MACROD2: variants seen among roughly 807,000 people sequenced by gnomAD.
MACROD2 encodes ADP-ribose glycohydrolase MACROD2.
In MACROD2, 36 loss-of-function variants were observed where a neutral mutation model predicts 70.4. The ratio of observed to expected loss-of-function variants is 0.51; its 90% CI spans 0.39 to 0.68. The LOEUF is 0.68. Among genes scored for constraint, MACROD2 ranks in the 30% least tolerant of loss-of-function variants. The pLI is 0.00. For missense variants in MACROD2, 496 were observed against 538.4 expected (o/e 0.92, Z 0.78); for synonymous variants, 172 against 178.8 (o/e 0.96, Z 0.30).
intron 6 of MACROD2, among the ~76,000 whole-genome samples, chr20:15,244,015 TAA>T (rs1349381555): frequency 8.5e-5 from 13 of 152,182 alleles, no homozygotes; most frequent in Admixed American, 2.6e-4. Flanking sequence ...CACAATTTAA[TAA>T]GTTATATTAA....
At chr20:15,406,491 T>C (rs2046003304) in intron 6 of MACROD2, among the ~76,000 whole-genome samples, 2 of 152,186 alleles carry the variant, frequency 1.3e-5, no homozygotes, top group Non-Finnish European at 2.9e-5. Flanking sequence ...TTAGAGTCCT[T>C]GGGGAATGTC....
intron 8 of MACROD2, among the ~76,000 whole-genome samples, chr20:15,507,178 T>G (rs1481889094): frequency 6.6e-6 from 1 of 152,168 alleles, no homozygotes; most frequent in East Asian, 1.9e-4. Context: ...TCAAGAACAC[T>G]GATGACTTGC....
At chr20:14,801,445 T>G (rs1035297652) in intron 5 of MACROD2, among the ~76,000 whole-genome samples, 4 of 152,150 alleles carry the variant, frequency 2.6e-5, no homozygotes, top group Non-Finnish European at 5.9e-5. Flanking sequence ...TGTTAAAGAT[T>G]TCAGCGTTAA....
At chr20:14,801,951 A>G (rs911016400) in intron 5 of MACROD2, among the ~76,000 whole-genome samples, 4 of 152,106 alleles carry the variant, frequency 2.6e-5, no homozygotes, top group African/African-American at 9.7e-5. Flanking sequence ...TTTCATCCAG[A>G]AAAGGTACAG....
chr20:14,187,069 T>A (rs373809192), intron 3 of MACROD2, among the ~76,000 whole-genome samples: 18 of 148,714 alleles, frequency 1.2e-4, no homozygotes, highest in African/African-American at 4.0e-4. Flanking sequence ...AATTTACCCA[T>A]GTAACAAACC....
At chr20:15,970,860 T>C (rs1218693479) in intron 13 of MACROD2, among the ~76,000 whole-genome samples, 1 of 152,104 alleles carries the variant, frequency 6.6e-6, no homozygotes. Context: ...CATAAAGAAC[T>C]CTGAAGGTTT....
At chr20:15,676,745 A>G (rs931338549) in intron 8 of MACROD2, among the ~76,000 whole-genome samples, 3 of 152,222 alleles carry the variant, frequency 2.0e-5, no homozygotes, top group African/African-American at 4.8e-5. Context: ...GCTTATGTTC[A>G]GTATTTTACA....
intron 3 of MACROD2, among the ~76,000 whole-genome samples, chr20:14,284,656 C>A (rs979941871): frequency 2.0e-5 from 3 of 152,236 alleles, no homozygotes; most frequent in African/African-American, 7.2e-5. Context: ...CAAAGAGGTG[C>A]AGCCCTTGTG....
chr20:15,048,899 T>C (rs919475393), intron 5 of MACROD2, among the ~76,000 whole-genome samples: 1 of 152,184 alleles, frequency 6.6e-6, no homozygotes, highest in African/African-American at 2.4e-5. Flanking sequence ...CATTGTTCTG[T>C]CACTTAACAG....
chr20:14,982,979 G>C (rs1460015218), intron 5 of MACROD2, among the ~76,000 whole-genome samples: 1 of 152,202 alleles, frequency 6.6e-6, no homozygotes. Context: ...AGGCAGCCGG[G>C]AGGGAGGCTG....
chr20:15,534,920 A>G (rs1025494547), intron 8 of MACROD2, among the ~76,000 whole-genome samples: 2 of 152,206 alleles, frequency 1.3e-5, no homozygotes, highest in African/African-American at 4.8e-5. Flanking sequence ...ATTTCTAATT[A>G]GGATTAGAAA....
intron 5 of MACROD2, among the ~76,000 whole-genome samples, chr20:15,104,471 G>A (rs1025050651): frequency 2.6e-5 from 4 of 152,066 alleles, no homozygotes; most frequent in Non-Finnish European, 5.9e-5. Flanking sequence ...AACAAATTAT[G>A]GACAGAAACA....
chr20:15,065,654 C>CA (rs554222351), intron 5 of MACROD2, among the ~76,000 whole-genome samples: 3,715 of 94,794 alleles, frequency 0.039, 67 homozygotes, highest in Non-Finnish European at 0.047. Flanking sequence ...ACTCCGTCTC[C>CA]AAAAAAAAAA....
intron 2 of MACROD2, among the ~76,000 whole-genome samples, chr20:14,032,984 C>T (rs2053262975): frequency 6.6e-6 from 1 of 151,782 alleles, no homozygotes; most frequent in South Asian, 2.1e-4. Flanking sequence ...TTTTTAGTCA[C>T]CTGTTTTAAA....
chr20:14,900,134 A>G (rs1321822288), intron 5 of MACROD2, among the ~76,000 whole-genome samples: 4 of 152,118 alleles, frequency 2.6e-5, no homozygotes, highest in African/African-American at 4.8e-5. Flanking sequence ...CATATGTTGA[A>G]CCAACTTTGA....
At chr20:14,796,897 G>T (rs2072516060) in intron 5 of MACROD2, among the ~76,000 whole-genome samples, 10 of 151,986 alleles carry the variant, frequency 6.6e-5, no homozygotes, top group Admixed American at 6.6e-4. Flanking sequence ...TTTGTCTCAA[G>T]TTACATATAG....
intron 3 of MACROD2, among the ~76,000 whole-genome samples, chr20:14,184,376 A>AT (rs1213225234): frequency 6.6e-6 from 1 of 151,972 alleles, no homozygotes. Flanking sequence ...ATTCTGTTGC[A>AT]TTGGTCAATG....
At chr20:15,114,613 A>G (rs769093736) in intron 5 of MACROD2, among the ~76,000 whole-genome samples, 11 of 152,198 alleles carry the variant, frequency 7.2e-5, no homozygotes, top group Non-Finnish European at 1.5e-4. Context: ...GAATCCAATT[A>G]AGCCATGCCC....
At chr20:15,874,090 A>C (rs1229623317) in intron 9 of MACROD2, among the ~76,000 whole-genome samples, 1 of 22,656 alleles carries the variant, frequency 4.4e-5, no homozygotes, top group Non-Finnish European at 8.3e-5. Flanking sequence ...AACAGGCCCC[A>C]GTGTGTGATG....
Sources: allele counts gnomAD v4.1 joint callset (sites outside exome capture counted in the v4.1 genomes callset), GRCh38; gene constraint gnomAD v4.1.1; transcripts MANE v1.5; gene names NCBI Gene and HGNC (gene_info 2026-07-23, HGNC 2026-07-21).